The following COL25A1 variants were observed in gnomAD, a reference collection of about 807,000 sequenced individuals.
COL25A1 encodes the protein collagen type XXV alpha 1 chain, also known as collagen alpha-1(XXV) chain.
A neutral mutation model predicts 128.4 loss-of-function variants in COL25A1; 103 were observed. That is an observed-to-expected ratio of 0.80 (90% CI 0.68 to 0.94). The LOEUF (loss-of-function observed/expected upper bound fraction) is 0.94. Among genes scored for constraint, COL25A1 ranks in the 40% least tolerant of loss-of-function variants. The probability of loss-of-function intolerance (pLI) is 0.00; values close to 1 mark genes in which losing one functional copy is unlikely to be tolerated. For missense variants in COL25A1, 745 were observed against 840.0 expected (o/e 0.89, Z 1.40); for synonymous variants, 279 against 277.2 (o/e 1.01, Z -0.06).
At chr4:109,162,165 A>G (rs893490352) in intron 3 of COL25A1, among the ~76,000 whole-genome samples, 14 of 152,228 alleles carry the variant, frequency 9.2e-5, no homozygotes, top group Admixed American at 9.2e-4. Context: ...CAGGGGAAAT[A>G]TATCAGGAAA....
At chr4:108,875,291 A>G (rs1371600840) in intron 19 of COL25A1, among the ~76,000 whole-genome samples, 1 of 152,254 alleles carries the variant, frequency 6.6e-6, no homozygotes, top group Non-Finnish European at 1.5e-5. Context: ...AGAATGGGAG[A>G]AAATTTTTGC....
chr4:108,842,975 T>C (rs1235165549), intron 30 of COL25A1, among the ~76,000 whole-genome samples: 1 of 151,806 alleles, frequency 6.6e-6, no homozygotes, highest in African/African-American at 2.4e-5. Context: ...TGAAACTTCA[T>C]CTATTCAAAA....
chr4:109,103,070 A>G (rs1292733379), intron 3 of COL25A1, among the ~76,000 whole-genome samples: 2 of 152,190 alleles, frequency 1.3e-5, no homozygotes, highest in African/African-American at 4.8e-5. Context: ...CTCTTAACAC[A>G]GAAACCTTTA....
At chr4:108,839,271 G>A (rs1326586480) in intron 31 of COL25A1, among the ~76,000 whole-genome samples, 2 of 152,150 alleles carry the variant, frequency 1.3e-5, no homozygotes, top group Admixed American at 1.3e-4. Flanking sequence ...GAAATTCTGG[G>A]AAACACTGAG....
At chr4:109,208,105 A>C (rs1237912770) in intron 3 of COL25A1, among the ~76,000 whole-genome samples, 2 of 152,208 alleles carry the variant, frequency 1.3e-5, no homozygotes, top group African/African-American at 4.8e-5. Context: ...TGCTAATTCC[A>C]ACACAGCATG....
At chr4:109,105,397 C>A (rs1766332083) in intron 3 of COL25A1, among the ~76,000 whole-genome samples, 1 of 152,062 alleles carries the variant, frequency 6.6e-6, no homozygotes, top group Non-Finnish European at 1.5e-5. Flanking sequence ...TCACTTGAAC[C>A]CAGGAGGCAG....
chr4:108,870,849 T>C (rs945861832), intron 19 of COL25A1, among the ~76,000 whole-genome samples: 1 of 152,216 alleles, frequency 6.6e-6, no homozygotes, highest in Non-Finnish European at 1.5e-5. Context: ...CAAGTTAATA[T>C]GTTGAAAGTT....
At chr4:109,026,388 G>T (rs532745355) in intron 5 of COL25A1, among the ~76,000 whole-genome samples, 1 of 152,258 alleles carries the variant, frequency 6.6e-6, no homozygotes, top group African/African-American at 2.4e-5. Flanking sequence ...TTAACAAGTA[G>T]AAAGTTGGAA....
At chr4:109,254,469 T>TTTTATATATATATATATATA (rs1357197026) in intron 3 of COL25A1, among the ~76,000 whole-genome samples, 3 of 59,584 alleles carry the variant, frequency 5.0e-5, no homozygotes, top group African/African-American at 1.7e-4. Flanking sequence ...AGGCATATGT[T>TTTTATATATATATATATATA]TATATATATA....
intron 5 of COL25A1, among the ~76,000 whole-genome samples, chr4:109,016,345 A>G (rs1648027): frequency 0.51 from 77,778 of 152,220 alleles, 22,623 homozygotes; most frequent in African/African-American, 0.78. Flanking sequence ...GGCTGAGGGC[A>G]GCGCAGTGCA....
At chr4:109,228,852 G>A (rs1778978600) in intron 3 of COL25A1, among the ~76,000 whole-genome samples, 1 of 152,182 alleles carries the variant, frequency 6.6e-6, no homozygotes, top group African/African-American at 2.4e-5. Context: ...ATAGTACAGT[G>A]GCTAAGATGT....
At chr4:108,859,965 T>TAA (rs138386690) in intron 23 of COL25A1, among the ~76,000 whole-genome samples, 2 of 152,172 alleles carry the variant, frequency 1.3e-5, no homozygotes, top group African/African-American at 4.8e-5. Context: ...TGAAATCTGA[T>TAA]AAAAAATACG....
intron 22 of COL25A1, among the ~76,000 whole-genome samples, chr4:108,861,429 T>C (rs1737210338): frequency 6.6e-6 from 1 of 152,064 alleles, no homozygotes; most frequent in South Asian, 2.1e-4. Flanking sequence ...CTAGGGAGAA[T>C]TAGGAAAGGA....
At chr4:108,868,685 G>A (rs1355780110) in intron 20 of COL25A1, among the ~76,000 whole-genome samples, 3 of 143,872 alleles carry the variant, frequency 2.1e-5, no homozygotes, top group Non-Finnish European at 4.6e-5. Flanking sequence ...GAAAGGGAAG[G>A]GAAGCGAAGG....
intron 6 of COL25A1, among the ~76,000 whole-genome samples, chr4:109,009,620 A>G (rs570661292): frequency 6.6e-6 from 1 of 152,332 alleles, no homozygotes; most frequent in East Asian, 1.9e-4. Context: ...GAGTTCAGTA[A>G]ATAATTATAT....
At chr4:109,107,718 C>T (rs754962912) in intron 3 of COL25A1, among the ~76,000 whole-genome samples, 13 of 152,302 alleles carry the variant, frequency 8.5e-5, no homozygotes, top group Admixed American at 2.0e-4. Context: ...TTACCGACAT[C>T]TGTAGAGTCA....
chr4:108,819,697 C>T, intron 35 of COL25A1: 1 of 458,780 alleles, frequency 2.2e-6, no homozygotes, highest in South Asian at 9.9e-5. Context: ...TCTTGAAGTC[C>T]ATGTTAAATG....
intron 11 of COL25A1, among the ~76,000 whole-genome samples, chr4:108,936,482 G>A (rs1453909457): frequency 1.3e-5 from 2 of 152,100 alleles, no homozygotes; most frequent in African/African-American, 2.4e-5. Flanking sequence ...CAGGAGAATC[G>A]CTTGAACCCA....
chr4:109,201,460 C>T lies in COL25A1; in HGVS notation c.367+99123G>A, dbSNP rs576656244. 2.9e-4 allele frequency among the ~76,000 whole-genome samples: 44 copies of T among 152,254 alleles called. No individual in the cohort carries two copies. In the South Asian group the frequency reaches 8.7e-3, roughly 30 times the overall value. On this transcript the variant is annotated intron_variant, in intron 3 of 37. Coordinates refer to ENST00000399132, the MANE Select transcript of COL25A1 (RefSeq NM_198721.4). ...AACACCTATTCATTATAAAAACACACAGCAAACTAAGAATAGAGGGTAACT... is the reference window on the plus strand; with the variant it reads ...AACACCTATTCATTATAAAAACACATAGCAAACTAAGAATAGAGGGTAACT...
Sources: allele counts gnomAD v4.1 joint callset (sites outside exome capture counted in the v4.1 genomes callset), GRCh38; gene constraint gnomAD v4.1.1; transcripts MANE v1.5; gene names NCBI Gene and HGNC (gene_info 2026-07-23, HGNC 2026-07-21).